Variants in ROBO1 observed in about 807,000 individuals in gnomAD.
ROBO1 encodes roundabout homolog 1.
Under a neutral mutation model 195.9 loss-of-function variants are expected in ROBO1, and 149 were observed. The ratio of observed to expected loss-of-function variants is 0.76; its 90% CI spans 0.67 to 0.87. The LOEUF (loss-of-function observed/expected upper bound fraction) is 0.87. Ranked by LOEUF, ROBO1 falls within the 40% of genes least tolerant of loss-of-function variation. The pLI, the probability that ROBO1 is intolerant of heterozygous loss-of-function variation, is 0.00. For missense variants in ROBO1, 1,933 were observed against 2,068.3 expected (o/e 0.93, Z 1.27); for synonymous variants, 816 against 733.2 (o/e 1.11, Z -1.82).
intron 3 of ROBO1, among the ~76,000 whole-genome samples, chr3:79,101,569 T>C (rs1012539786): frequency 1.2e-4 from 18 of 151,834 alleles, no homozygotes; most frequent in African/African-American, 4.3e-4. Flanking sequence ...TTGCTTCTGC[T>C]GAAGGCTCTC....
intron 2 of ROBO1, among the ~76,000 whole-genome samples, chr3:79,423,363 A>G (rs2038311126): frequency 6.6e-6 from 1 of 152,142 alleles, no homozygotes. Flanking sequence ...ATGCATTGAC[A>G]ATCTTCACTT....
intron 1 of ROBO1, among the ~76,000 whole-genome samples, chr3:79,759,827 A>G (rs1383576083): frequency 6.6e-6 from 1 of 152,180 alleles, no homozygotes; most frequent in Admixed American, 6.5e-5. Context: ...CCAGCCTTAT[A>G]AACAAATGGC....
chr3:79,404,790 G>T (rs2037485720), intron 2 of ROBO1, among the ~76,000 whole-genome samples: 1 of 151,898 alleles, frequency 6.6e-6, no homozygotes, highest in Admixed American at 6.6e-5. Flanking sequence ...TAAAAAACTA[G>T]ATTATAATTA....
chr3:78,703,832 TA>T (rs2107959946), intron 8 of ROBO1, among the ~76,000 whole-genome samples: 1 of 152,022 alleles, frequency 6.6e-6, no homozygotes, highest in Admixed American at 6.6e-5. Context: ...CACATATATA[TA>T]TATAAAATCC....
chr3:78,734,482 GC>G (rs2082349773), intron 5 of ROBO1, among the ~76,000 whole-genome samples: 1 of 151,606 alleles, frequency 6.6e-6, no homozygotes, highest in African/African-American at 2.4e-5. Context: ...GATCACCTGA[GC>G]CCAGGAGATT....
intron 3 of ROBO1, chr3:79,018,951 C>G (rs2078030642): frequency 5.1e-6 from 5 of 988,192 alleles, no homozygotes; most frequent in Non-Finnish European, 6.0e-6. Context: ...GGGCCACCCG[C>G]GGCGGCGGCG....
At chr3:78,710,290 T>C (rs1476877847) in intron 8 of ROBO1, among the ~76,000 whole-genome samples, 5 of 152,044 alleles carry the variant, frequency 3.3e-5, no homozygotes, top group Admixed American at 6.6e-5. Flanking sequence ...CCACAAGCAT[T>C]CCTCCTGCCT....
intron 1 of ROBO1, among the ~76,000 whole-genome samples, chr3:79,678,006 A>G (rs1946836307): frequency 6.6e-6 from 1 of 152,118 alleles, no homozygotes; most frequent in South Asian, 2.1e-4. Context: ...TATATGAAAT[A>G]TTTAAAAAGC....
At position 78,607,207 on chromosome 3, in the gene ROBO1, T is replaced by G; in HGVS notation, c.4436-166A>C. ...AAAATACCCACAATTTTTTAAAATT[T>G]ATGTTTATTTATTTATTTATTCTGA... is the stretch of plus-strand genomic sequence containing the variant. On this transcript the variant is annotated intron_variant, in intron 28 of 30. Coordinates refer to ENST00000464233, the MANE Select transcript of ROBO1 (RefSeq NM_002941.4). 10 of 639,044 alleles carry G rather than the reference T, an allele frequency of 1.6e-5. No homozygotes were observed. The South Asian group carries it at 2.0e-4, about 13-fold the overall frequency. The allele number at this position is 639,044 out of a possible 1,614,324, so 39.6% of individuals were successfully genotyped here.
intron 3 of ROBO1, among the ~76,000 whole-genome samples, chr3:79,012,896 C>T (rs2077822472): frequency 6.6e-6 from 1 of 152,006 alleles, no homozygotes; most frequent in Admixed American, 6.6e-5. Flanking sequence ...AAGGAAGGGG[C>T]TGAAAGTGGA....
At chr3:79,544,572 A>G (rs1009780154) in intron 2 of ROBO1, among the ~76,000 whole-genome samples, 1 of 152,034 alleles carries the variant, frequency 6.6e-6, no homozygotes, top group Non-Finnish European at 1.5e-5. Context: ...AAATGATTGT[A>G]CCTGTGCTGG....
chr3:78,729,109 T>G (rs748773749), intron 5 of ROBO1, among the ~76,000 whole-genome samples: 3 of 152,214 alleles, frequency 2.0e-5, no homozygotes, highest in African/African-American at 4.8e-5. Flanking sequence ...CAGCTGCACT[T>G]CTCTGCTATT....
chr3:79,427,172 T>C (rs1413223876), intron 2 of ROBO1, among the ~76,000 whole-genome samples: 1 of 152,190 alleles, frequency 6.6e-6, no homozygotes, highest in African/African-American at 2.4e-5. Context: ...CATCAGTTTA[T>C]AGAGATCTCT....
chr3:79,197,604 G>T (rs544547332), intron 2 of ROBO1, among the ~76,000 whole-genome samples: 60 of 152,182 alleles, frequency 3.9e-4, no homozygotes, highest in African/African-American at 1.4e-3. Context: ...GATCCTTGAG[G>T]AATCACCACA....
At chr3:78,604,480 G>A (rs1202320681) in intron 29 of ROBO1, among the ~76,000 whole-genome samples, 1 of 152,170 alleles carries the variant, frequency 6.6e-6, no homozygotes, top group Non-Finnish European at 1.5e-5. Flanking sequence ...ATTTGGAGTC[G>A]AGTCACACTG....
chr3:79,318,484 G>C (rs559523334), intron 2 of ROBO1, among the ~76,000 whole-genome samples: 1 of 152,302 alleles, frequency 6.6e-6, no homozygotes, highest in East Asian at 1.9e-4. Flanking sequence ...GGTCCCTCAG[G>C]AAAGTACAGC....
chr3:79,747,313 A>T (rs1258593725), intron 1 of ROBO1, among the ~76,000 whole-genome samples: 2 of 152,084 alleles, frequency 1.3e-5, no homozygotes, highest in Admixed American at 1.3e-4. Context: ...GGAGGTTTGA[A>T]ATGGTAATAT....
chr3:79,387,839 G>A lies in ROBO1; in HGVS notation c.88+201985C>T, dbSNP rs547074686. Among the ~76,000 whole-genome samples the A allele has an allele frequency of 3.9e-5, 6 of 152,274 alleles. No individual in the cohort carries two copies. In the South Asian group the frequency reaches 1.2e-3, roughly 32 times the overall value. On this transcript the variant is annotated intron_variant, in intron 2 of 30. Transcript: ENST00000464233. ...CTGGTTGCAGGTGCAGAAAAAATTA[G>A]AGTAGGATAATGGCTTTGAGAGACG...
At chr3:79,463,649 A>G (rs1444934519) in intron 2 of ROBO1, among the ~76,000 whole-genome samples, 1 of 152,224 alleles carries the variant, frequency 6.6e-6, no homozygotes, top group Non-Finnish European at 1.5e-5. Flanking sequence ...AAAAGATGGT[A>G]CAAATCAAAC....
Sources: allele counts gnomAD v4.1 joint callset (sites outside exome capture counted in the v4.1 genomes callset), GRCh38; gene constraint gnomAD v4.1.1; transcripts MANE v1.5; gene names NCBI Gene and HGNC (gene_info 2026-07-23, HGNC 2026-07-21).